WIPF3: variants seen among roughly 807,000 people sequenced by gnomAD.
The protein encoded by WIPF3 is WAS/WASL interacting protein family member 3, also known as WAS/WASL-interacting protein family member 3.
WIPF3 carries 33 observed loss-of-function variants against 38.9 expected under a neutral mutation model. That is an observed-to-expected ratio of 0.85 (90% CI 0.64 to 1.14). The LOEUF (loss-of-function observed/expected upper bound fraction) is 1.14. Among genes scored for constraint, WIPF3 ranks in the 50% most tolerant of loss-of-function variants. The probability of loss-of-function intolerance (pLI) is 0.00; values close to 1 mark genes in which losing one functional copy is unlikely to be tolerated. For synonymous variants in WIPF3, 324 were observed against 269.3 expected (o/e 1.20, Z -1.99); for missense variants, 711 against 652.5 (o/e 1.09, Z -0.98).
At chr7:29,850,583 A>AC (rs1328492821) in intron 2 of WIPF3, among the ~76,000 whole-genome samples, 3 of 152,190 alleles carry the variant, frequency 2.0e-5, no homozygotes, top group African/African-American at 7.2e-5. Flanking sequence ...ACGTCACAAC[A>AC]TGGGTACCCG....
intron 8 of WIPF3, among the ~76,000 whole-genome samples, chr7:29,912,820 CA>C (rs1786528868): frequency 6.6e-6 from 1 of 152,146 alleles, no homozygotes; most frequent in South Asian, 2.1e-4. Context: ...AAGCCACTCA[CA>C]AAAGACAGAC....
intron 2 of WIPF3, among the ~76,000 whole-genome samples, chr7:29,840,852 G>A (rs949425344): frequency 6.6e-6 from 1 of 152,122 alleles, no homozygotes; most frequent in African/African-American, 2.4e-5. Flanking sequence ...AGGAGATTCT[G>A]GCTGAATGCA....
chr7:29,887,341 G>A (rs905031129), intron 5 of WIPF3, among the ~76,000 whole-genome samples: 1 of 152,226 alleles, frequency 6.6e-6, no homozygotes, highest in African/African-American at 2.4e-5. Flanking sequence ...GATGTTTGCA[G>A]TGCCACTGAA....
chr7:29,908,431 G>A (rs1459223134), intron 8 of WIPF3, among the ~76,000 whole-genome samples: 8 of 151,960 alleles, frequency 5.3e-5, no homozygotes, highest in Admixed American at 4.6e-4. Context: ...CCTAATAATG[G>A]GTGAAACAAC....
rs537425638 is a variant in WIPF3, at chr7:29,885,354, G to A, written c.1099+761G>A. ...AGATACACCCACATCCACACAGGCA[G>A]ACACACTCAAACATATGCACACTCA... On this transcript the variant is annotated intron_variant, in intron 5 of 8. Transcript: ENST00000242140. Among the ~76,000 whole-genome samples, 122 of 152,230 alleles carry A rather than the reference G, an allele frequency of 8.0e-4. 1 individual carries two copies. Among genetic ancestry groups the A allele is most frequent in the Middle Eastern group, 3.4e-3 (1 of 294 alleles).
At chr7:29,806,909 C>CGGCCG (rs554229016) in intron 1 of WIPF3, among the ~76,000 whole-genome samples, 83 of 151,354 alleles carry the variant, frequency 5.5e-4, no homozygotes, top group Non-Finnish European at 7.4e-4. Flanking sequence ...CACGCCGCCC[C>CGGCCG]GGCCGGGCCG....
At chr7:29,881,450 A>G (rs1219176578) in intron 4 of WIPF3, among the ~76,000 whole-genome samples, 1 of 152,214 alleles carries the variant, frequency 6.6e-6, no homozygotes, top group Non-Finnish European at 1.5e-5. Flanking sequence ...TCATGGGCTC[A>G]TGGTACTTTT....
intron 1 of WIPF3, among the ~76,000 whole-genome samples, chr7:29,826,313 G>A (rs969954227): frequency 3.3e-5 from 5 of 152,014 alleles, no homozygotes; most frequent in Admixed American, 2.6e-4. Flanking sequence ...CCACAGTGTC[G>A]GCCTTACGCA....
intron 1 of WIPF3, among the ~76,000 whole-genome samples, chr7:29,834,298 A>G (rs918089455): frequency 1.3e-5 from 2 of 152,202 alleles, no homozygotes; most frequent in African/African-American, 4.8e-5. Flanking sequence ...ATTGAAAATG[A>G]TAAAACTAAA....
At chr7:29,850,515 A>C (rs183140029) in intron 2 of WIPF3, among the ~76,000 whole-genome samples, 262 of 152,346 alleles carry the variant, frequency 1.7e-3, no homozygotes, top group African/African-American at 6.0e-3. Context: ...GGAGCACAGC[A>C]GGTCTGGTTC....
chr7:29,852,322 G>T (rs1785114717), intron 2 of WIPF3, among the ~76,000 whole-genome samples: 1 of 152,216 alleles, frequency 6.6e-6, no homozygotes, highest in Non-Finnish European at 1.5e-5. Context: ...GTTCTTCAAA[G>T]GCTGGGTTCT....
chr7:29,887,359 G>A (rs1203425720), intron 5 of WIPF3, among the ~76,000 whole-genome samples: 1 of 152,196 alleles, frequency 6.6e-6, no homozygotes, highest in Non-Finnish European at 1.5e-5. Context: ...GAAGAAATAA[G>A]CAGCAGTGGA....
At chr7:29,831,878 G>A (rs993175265) in intron 1 of WIPF3, among the ~76,000 whole-genome samples, 35 of 152,264 alleles carry the variant, frequency 2.3e-4, no homozygotes, top group Middle Eastern at 3.4e-3. Flanking sequence ...ACTCAGTCTC[G>A]TGGTCACACC....
chr7:29,831,135 T>C (rs767127930), intron 1 of WIPF3, among the ~76,000 whole-genome samples: 1 of 152,226 alleles, frequency 6.6e-6, no homozygotes, highest in Non-Finnish European at 1.5e-5. Flanking sequence ...TTTTTCCAAA[T>C]TTTGTACTTA....
chr7:29,892,663 C>T (rs577047380), intron 7 of WIPF3, among the ~76,000 whole-genome samples: 1 of 152,304 alleles, frequency 6.6e-6, no homozygotes, highest in Non-Finnish European at 1.5e-5. Context: ...ATTTTGAACC[C>T]ACACCTGTCT....
At chr7:29,876,753 A>C (rs1262204481) in intron 3 of WIPF3, among the ~76,000 whole-genome samples, 1 of 152,230 alleles carries the variant, frequency 6.6e-6, no homozygotes, top group African/African-American at 2.4e-5. Flanking sequence ...AGATTTATTA[A>C]GAATTCTGTT....
chr7:29,879,766 G>A (rs182552969), intron 4 of WIPF3, among the ~76,000 whole-genome samples: 12 of 152,284 alleles, frequency 7.9e-5, no homozygotes, highest in Non-Finnish European at 1.6e-4. Flanking sequence ...CCTCTATCAC[G>A]TGGTCTCTCA....
chr7:29,810,700 A>G (rs989736561), intron 1 of WIPF3, among the ~76,000 whole-genome samples: 1 of 152,116 alleles, frequency 6.6e-6, no homozygotes, highest in Non-Finnish European at 1.5e-5. Flanking sequence ...TTAAGAAATT[A>G]TTTATTCTTT....
intron 2 of WIPF3, among the ~76,000 whole-genome samples, chr7:29,857,432 G>A (rs1025859311): frequency 5.3e-5 from 8 of 152,106 alleles, no homozygotes; most frequent in Middle Eastern, 3.4e-3. Flanking sequence ...TGATTTTCCC[G>A]CAGAGTTTTC....
Sources: gnomAD v4.1 joint callset for allele counts (sites outside exome capture counted in the v4.1 genomes callset) on GRCh38, gnomAD v4.1.1 for gene constraint, MANE v1.5 for transcripts, NCBI Gene and HGNC (gene_info 2026-07-23, HGNC 2026-07-21) for gene names.